The following CCNE1 variants were observed in gnomAD, a reference collection of about 807,000 sequenced individuals.
The protein encoded by CCNE1 is cyclin E1.
In CCNE1, 8 loss-of-function variants were observed where a neutral mutation model predicts 54.1. The ratio of observed to expected loss-of-function variants is 0.15; its 90% CI spans 0.09 to 0.27. CCNE1 has a LOEUF of 0.27. CCNE1 is among the 10% of genes least tolerant of loss of function. The pLI is 1.00. For synonymous variants in CCNE1, 179 were observed against 185.2 expected (o/e 0.97, Z 0.27); for missense variants, 430 against 514.9 (o/e 0.84, Z 1.60).
At chr19:29,823,190 T>C (rs1045150634) in intron 11 of CCNE1, among the ~76,000 whole-genome samples, 2 of 152,158 alleles carry the variant, frequency 1.3e-5, no homozygotes, top group Non-Finnish European at 2.9e-5. Context: ...GCAGAAGGAC[T>C]GCTTAAGCTC....
chr19:29,820,912 G>A (rs551320163), intron 7 of CCNE1, 64 bp downstream of exon 7: 2 of 1,332,652 alleles, frequency 1.5e-6, no homozygotes, highest in East Asian at 2.3e-5. Flanking sequence ...CTGAGATTGG[G>A]GGAAGAGGTT....
intron 4 of CCNE1, among the ~76,000 whole-genome samples, chr19:29,816,213 G>A (rs1437003138): frequency 6.6e-6 from 1 of 150,858 alleles, no homozygotes; most frequent in Non-Finnish European, 1.5e-5. Flanking sequence ...ATGCTAGTAG[G>A]ATTGTTACCT....
At chr19:29,821,949 A>G in intron 8 of CCNE1, 47 bp from the exon 9 acceptor site, 1 of 1,588,448 alleles carries the variant, frequency 6.3e-7, no homozygotes. Context: ...TGCATTTTGA[A>G]CTTCTTTTCT....
At chr19:29,816,216 T>G (rs1267885327) in intron 4 of CCNE1, among the ~76,000 whole-genome samples, 1 of 151,636 alleles carries the variant, frequency 6.6e-6, no homozygotes, top group Non-Finnish European at 1.5e-5. Flanking sequence ...CTAGTAGGAT[T>G]GTTACCTGCC....
intron 11 of CCNE1, 127 bp from the exon 12 acceptor site, chr19:29,823,528 G>A: frequency 1.4e-6 from 1 of 705,794 alleles, no homozygotes; most frequent in Non-Finnish European, 2.1e-6. Context: ...CAGTCTGGAT[G>A]AGAAAGCAAG....
intron 4 of CCNE1, among the ~76,000 whole-genome samples, chr19:29,815,331 C>T (rs1029346909): frequency 3.3e-5 from 5 of 152,192 alleles, no homozygotes; most frequent in South Asian, 2.1e-4. Context: ...AAATGCCACC[C>T]GCACATGGTA....
At chr19:29,821,906 T>G (rs1346619110) in intron 8 of CCNE1, 89 bp downstream of exon 8, 2 of 1,518,402 alleles carry the variant, frequency 1.3e-6, no homozygotes, top group Non-Finnish European at 1.8e-6. Context: ...GGAGGTGTTC[T>G]CCAGCTGGAC....
In CCNE1 at chr19:29,817,241, G is replaced by T; in HGVS notation, c.285G>T (p.Arg95=). 6.2e-7 allele frequency: 1 copy of T among 1,614,178 alleles called. No individual in the cohort carries two copies. The highest frequency in any genetic ancestry group is 8.5e-7 in the Non-Finnish European group (1 of 1,180,044). Residue 95 remains arginine (R), a synonymous_variant, in exon 5 of 12, where the codon CGG becomes CGT. Transcript: ENST00000262643. ...ACCCAAACTCAACGTGCAAGCCTCG[G>T]ATTATTGCACCATCCAGAGGCTCCC... ...RVYPNSTCKP[R]IIAPSRGSPL... is the part of the protein sequence containing the mutation.
At chr19:29,822,692 C>G (rs1035876134) in intron 11 of CCNE1, 89 bp downstream of exon 11, 5 of 1,391,642 alleles carry the variant, frequency 3.6e-6, no homozygotes, top group Non-Finnish European at 2.0e-6. Context: ...GCCTGTAAAC[C>G]CAGCACTTTG....
rs1168667059 is a variant in CCNE1 at position 29,812,033 on chromosome 19, C to G, written c.-144C>G. On this transcript the variant is annotated 5_prime_UTR_variant, in exon 1 of 12. Coordinates refer to ENST00000262643, the MANE Select transcript of CCNE1 (RefSeq NM_001238.4). ...CCGCCAGCGCGGTGTAGGGGGCAGGCGCGGATCCCGCCACCGCCGCGCGCT... is the reference window on the plus strand; with the variant it reads ...CCGCCAGCGCGGTGTAGGGGGCAGGGGCGGATCCCGCCACCGCCGCGCGCT... 6.8e-6 allele frequency: 1 copy of G among 147,660 alleles called. No homozygotes were observed. The highest frequency in any genetic ancestry group is 6.8e-5 in the Admixed American group (1 of 14,778). 9.1% of individuals were successfully genotyped at this position (147,660 alleles called of 1,614,324 possible). A position where few individuals can be genotyped will look rare whatever the true frequency, so the allele number is the denominator to read the frequency against.
chr19:29,812,397 C>T, intron 1 of CCNE1, 135 bp from the exon 2 acceptor site: 1 of 495,962 alleles, frequency 2.0e-6, no homozygotes, highest in Non-Finnish European at 3.0e-6. Flanking sequence ...TCGGCGGGTG[C>T]CCGGGTCGCG....
intron 6 of CCNE1, 132 bp downstream of exon 6, chr19:29,817,673 T>C (rs1405153118): frequency 4.4e-6 from 4 of 909,856 alleles, no homozygotes; most frequent in Non-Finnish European, 6.8e-6. Flanking sequence ...ATATTTTTAC[T>C]GTGGTGGTCT....
intron 4 of CCNE1, among the ~76,000 whole-genome samples, chr19:29,814,704 C>T (rs1293641099): frequency 1.3e-5 from 2 of 152,158 alleles, no homozygotes; most frequent in South Asian, 2.1e-4. Flanking sequence ...TAATTCCCCC[C>T]AGTACGACAG....
intron 4 of CCNE1, chr19:29,813,300 A>G (rs1973938628): frequency 3.9e-6 from 2 of 513,504 alleles, no homozygotes; most frequent in Non-Finnish European, 3.5e-6. Context: ...CAGAATGGAC[A>G]TCACAGTATT....
At chr19:29,823,632 G>T in intron 11 of CCNE1, 23 bp from the exon 12 acceptor site, 1 of 1,609,620 alleles carries the variant, frequency 6.2e-7, no homozygotes, top group South Asian at 1.1e-5. Context: ...CTAATGTGTT[G>T]TCCCTTTTAT....
At chr19:29,814,020 C>T (rs1476454104) in intron 4 of CCNE1, among the ~76,000 whole-genome samples, 2 of 152,194 alleles carry the variant, frequency 1.3e-5, no homozygotes, top group African/African-American at 4.8e-5. Flanking sequence ...AGGGTTTCAA[C>T]GCAGTGCGCC....
At chr19:29,816,719 A>G (rs938345484) in intron 4 of CCNE1, among the ~76,000 whole-genome samples, 9 of 152,056 alleles carry the variant, frequency 5.9e-5, no homozygotes, top group South Asian at 4.1e-4. Context: ...TTTTTATTAT[A>G]CTTTTAAGTT....
Position 29,823,699 on chromosome 19 carries a change from G to A in CCNE1, c.1155G>A (p.Arg385=). Residue 385 remains arginine, a synonymous_variant, in exon 12 of 12, where the codon AGG becomes AGA. Coordinates refer to ENST00000262643, the MANE Select transcript of CCNE1 (RefSeq NM_001238.4). The part of the protein sequence containing the change: ...AKKAMLSEQN[R]ASPLPSGLLT... The stretch of plus-strand genomic sequence containing the variant: ...AAGCCATGTTGTCTGAACAAAATAG[G>A]GCTTCTCCTCTCCCCAGTGGGCTCC... The A allele has an allele frequency of 6.2e-7, 1 of 1,614,090 alleles. No homozygotes were observed. The highest frequency in any genetic ancestry group is 8.5e-7 in the Non-Finnish European group (1 of 1,179,970).
At chr19:29,818,527 T>C (rs1405031907) in intron 6 of CCNE1, among the ~76,000 whole-genome samples, 1 of 152,220 alleles carries the variant, frequency 6.6e-6, no homozygotes, top group Non-Finnish European at 1.5e-5. Context: ...TCATAAATTG[T>C]AAACATATAT....
Sources: gnomAD v4.1 joint callset for allele counts (sites outside exome capture counted in the v4.1 genomes callset) on GRCh38, gnomAD v4.1.1 for gene constraint, MANE v1.5 for transcripts, NCBI Gene and HGNC (gene_info 2026-07-23, HGNC 2026-07-21) for gene names.